The following EXOSC5 variants were observed in gnomAD, a reference collection of about 807,000 sequenced individuals.
EXOSC5 encodes the protein exosome component 5.
A neutral mutation model predicts 23.7 loss-of-function variants in EXOSC5; 15 were observed. That is an observed-to-expected ratio of 0.63 (90% CI 0.42 to 0.97). The LOEUF (loss-of-function observed/expected upper bound fraction) is 0.97. Among genes scored for constraint, EXOSC5 ranks in the 50% least tolerant of loss-of-function variants. EXOSC5 has a pLI of 0.00. For missense variants in EXOSC5, 305 were observed against 316.3 expected, an observed-to-expected ratio of 0.96 and a Z score of 0.27; for synonymous variants, 143 against 140.9, an observed-to-expected ratio of 1.02 and a Z score of -0.11.
intron 4 of EXOSC5, among the ~76,000 whole-genome samples, chr19:41,388,071 G>A (rs748363401): frequency 4.6e-5 from 7 of 152,274 alleles, no homozygotes; most frequent in South Asian, 2.1e-4. Context: ...AGCATCAAGC[G>A]CAGCCATTTT....
At chr19:41,394,066 G>T (rs1179397244) in intron 1 of EXOSC5, among the ~76,000 whole-genome samples, 1 of 152,126 alleles carries the variant, frequency 6.6e-6, no homozygotes, top group Admixed American at 6.6e-5. Context: ...TATGAACGGG[G>T]TACAGGAGGT....
In EXOSC5 at chr19:41,387,550, C is replaced by T. The variant is rs777915450; in HGVS notation, c.579G>A (p.Leu193=). 1 of 1,606,518 alleles carries T rather than the reference C, an allele frequency of 6.2e-7. No individual in the cohort carries two copies. Among genetic ancestry groups the T allele is most frequent in the Non-Finnish European group, 8.5e-7 (1 of 1,177,012 alleles). The change falls in exon 5 of 6, where the codon CTG becomes CTA. Residue 193 remains leucine, a synonymous_variant. Transcript: ENST00000221233. ...FALDSVERKL[L]MSSTKGLYSD... ...AGTAGAGCCCCTTGGTGCTGGACAT[C>T]AGCAGCTTCCGTTCCACGCTGTCCA...
At chr19:41,388,947 G>T (rs758718618) in intron 4 of EXOSC5, among the ~76,000 whole-genome samples, 1 of 152,158 alleles carries the variant, frequency 6.6e-6, no homozygotes, top group Non-Finnish European at 1.5e-5. Context: ...TAAAGTCCTG[G>T]TTTTATTTTA....
At chr19:41,387,664 A>T in intron 4 of EXOSC5, 61 bp from the exon 5 acceptor site, 1 of 1,274,430 alleles carries the variant, frequency 7.8e-7, no homozygotes, top group South Asian at 1.5e-5. Context: ...ATAAAATCTC[A>T]GCCAGTCCTT....
At chr19:41,392,378 TCAAGAC>T (rs1258928525) in intron 2 of EXOSC5, among the ~76,000 whole-genome samples, 1 of 151,658 alleles carries the variant, frequency 6.6e-6, no homozygotes, top group Non-Finnish European at 1.5e-5. Flanking sequence ...GGTCAGGAGA[TCAAGAC>T]CATCCTGGCC....
chr19:41,391,265 G>C (rs1216657538), intron 3 of EXOSC5, among the ~76,000 whole-genome samples: 1 of 152,216 alleles, frequency 6.6e-6, no homozygotes, highest in African/African-American at 2.4e-5. Context: ...TAATTCAGGA[G>C]GCTAAAGCAT....
chr19:41,395,174 A>G (rs560739400), intron 1 of EXOSC5, among the ~76,000 whole-genome samples: 14 of 152,306 alleles, frequency 9.2e-5, no homozygotes, highest in Admixed American at 2.0e-4. Context: ...TCAATTCAGC[A>G]TAAGCGCTAA....
At chr19:41,389,540 C>T (rs1325461933) in intron 4 of EXOSC5, among the ~76,000 whole-genome samples, 2 of 152,258 alleles carry the variant, frequency 1.3e-5, no homozygotes, top group Admixed American at 6.5e-5. Context: ...GCTGGGATTA[C>T]AGGCGTGAGC....
chr19:41,392,909 CCTTGTTGAAAAT>C lies in EXOSC5; in HGVS notation c.208_219del (p.Ile70_Lys73del). On this transcript the variant is annotated inframe_deletion, in exon 2 of 6. Transcript: ENST00000221233. ...GGCCTCAGGATCACTTCGAGTGTGGCCTTGTTGAAAATCTCTTTGCTGACCTTCACCTCGGCC... is the reference window on the plus strand; with the variant it reads ...GGCCTCAGGATCACTTCGAGTGTGGCCTCTTTGCTGACCTTCACCTCGGCC... 1 of 1,613,922 alleles carries C rather than the reference CCTTGTTGAAAAT, an allele frequency of 6.2e-7. No individual in the cohort carries two copies. Among genetic ancestry groups the C allele is most frequent in the Non-Finnish European group, 8.5e-7 (1 of 1,180,022 alleles).
At chr19:41,396,923 A>T (rs982734118) in intron 1 of EXOSC5, among the ~76,000 whole-genome samples, 6 of 152,014 alleles carry the variant, frequency 3.9e-5, no homozygotes, top group African/African-American at 1.4e-4. Flanking sequence ...CCTATTCTGA[A>T]ATATCAATTC....
At chr19:41,388,194 A>G (rs139823561) in intron 4 of EXOSC5, among the ~76,000 whole-genome samples, 123 of 152,302 alleles carry the variant, frequency 8.1e-4, no homozygotes, top group South Asian at 1.7e-3. Flanking sequence ...GGGGCTTCCA[A>G]GCTCAGTATT....
intron 1 of EXOSC5, among the ~76,000 whole-genome samples, chr19:41,393,270 C>T (rs570907857): frequency 1.3e-3 from 198 of 152,260 alleles, no homozygotes; most frequent in Admixed American, 2.7e-3. Context: ...AACATTCGTC[C>T]ATTCAGGCAT....
chr19:41,393,694 G>T (rs2039041667), intron 1 of EXOSC5, among the ~76,000 whole-genome samples: 1 of 151,980 alleles, frequency 6.6e-6, no homozygotes, highest in Non-Finnish European at 1.5e-5. Context: ...TGAGTAGCTG[G>T]GATTACAGGC....
At position 41,389,827 on chromosome 19, in the gene EXOSC5, C is replaced by A. The variant is rs202054918; in HGVS notation, c.463G>T (p.Val155Phe). Residue 155 changes from valine (V) to phenylalanine (F), a missense_variant, in exon 4 of 6, where the codon GTC becomes TTC. By Grantham distance (50) the Val-to-Phe change is conservative. Transcript: ENST00000221233. Reference sequence around the variant, plus strand: ...CCATCAGAGTCCAGGGCGCAGGCGACCCCACAGAAGAGAGCCCGCATGGGC... The same window carrying A: ...CCATCAGAGTCCAGGGCGCAGGCGAACCCACAGAAGAGAGCCCGCATGGGC... ...GVPMRALFCG[V>F]ACALDSDGTL... 1.7e-4 allele frequency: 276 copies of A among 1,614,056 alleles called. No homozygotes were observed. Among genetic ancestry groups the A allele is most frequent in the Non-Finnish European group, 2.3e-4 (270 of 1,180,026 alleles).
At chr19:41,389,378 G>A (rs1022639014) in intron 4 of EXOSC5, among the ~76,000 whole-genome samples, 3 of 152,208 alleles carry the variant, frequency 2.0e-5, no homozygotes, top group Non-Finnish European at 2.9e-5. Context: ...CGATTCTCCT[G>A]CCTCAGCCTC....
intron 1 of EXOSC5, among the ~76,000 whole-genome samples, chr19:41,394,326 C>T (rs1188233219): frequency 6.7e-6 from 1 of 148,726 alleles, no homozygotes; most frequent in Non-Finnish European, 1.5e-5. Flanking sequence ...TGCAGTGAGC[C>T]GAGATCACAC....
rs2038984753 is a variant in EXOSC5 at position 41,386,488 on chromosome 19, C to A, written c.*145G>T. On this transcript the variant is annotated 3_prime_UTR_variant, in exon 6 of 6. Transcript: ENST00000221233. ...CCTGGGGGCTGTCACAGGCCAAGGC[C>A]TCCCCACAGGAGCCCTGTGGTTACA... 4.2e-6 allele frequency: 3 copies of A among 711,812 alleles called. No individual in the cohort carries two copies. The highest frequency in any genetic ancestry group is 6.8e-6 in the Non-Finnish European group (3 of 439,136). The allele number at this position is 711,812 out of a possible 1,614,324, so 44.1% of individuals were successfully genotyped here. A position where few individuals can be genotyped will look rare whatever the true frequency, so the allele number is the denominator to read the frequency against.
chr19:41,391,362 G>A (rs2039021495), intron 3 of EXOSC5, among the ~76,000 whole-genome samples: 2 of 152,150 alleles, frequency 1.3e-5, no homozygotes, highest in African/African-American at 4.8e-5. Context: ...GTGAGAGCCT[G>A]TCTCAAAAAC....
At chr19:41,393,227 G>A (rs774244082) in intron 1 of EXOSC5, among the ~76,000 whole-genome samples, 15 of 152,202 alleles carry the variant, frequency 9.9e-5, no homozygotes, top group Admixed American at 2.0e-4. Context: ...CGGGGCTCAC[G>A]CTGAATGTGC....
Sources: allele counts gnomAD v4.1 joint callset (sites outside exome capture counted in the v4.1 genomes callset), GRCh38; gene constraint gnomAD v4.1.1; transcripts MANE v1.5; gene names NCBI Gene and HGNC (gene_info 2026-07-23, HGNC 2026-07-21).